Variants in RANBP2 observed in about 807,000 individuals in gnomAD.
The protein encoded by RANBP2 is RAN binding protein 2, also known as E3 SUMO-protein ligase RanBP2.
Under a neutral mutation model 303.6 loss-of-function variants are expected in RANBP2, and 57 were observed. That is an observed-to-expected ratio of 0.19 (90% CI 0.15 to 0.23). The LOEUF (loss-of-function observed/expected upper bound fraction) is 0.23. Ranked by LOEUF, RANBP2 falls within the 10% of genes least tolerant of loss-of-function variation. RANBP2 has a pLI of 1.00. For synonymous variants in RANBP2, 1,167 were observed against 1,301.5 expected, an observed-to-expected ratio of 0.90 and a Z score of 2.23; for missense variants, 3,138 against 3,780.8, an observed-to-expected ratio of 0.83 and a Z score of 4.46.
At chr2:109,084,368 A>G in the RANBP2 span, among the ~76,000 whole-genome samples, 1 of 152,226 alleles carries the variant, frequency 6.6e-6, no homozygotes, top group Non-Finnish European at 1.5e-5. Flanking sequence ...ACTGATTTTC[A>G]AGTGAGAAAG....
At chr2:109,160,171 A>T in the RANBP2 span, among the ~76,000 whole-genome samples, 1 of 152,126 alleles carries the variant, frequency 6.6e-6, no homozygotes, top group Non-Finnish European at 1.5e-5. Context: ...TGTCACCAGG[A>T]AGTCACTCTC....
At chr2:109,278,684 C>T in the RANBP2 span, among the ~76,000 whole-genome samples, 1 of 152,216 alleles carries the variant, frequency 6.6e-6, no homozygotes. Flanking sequence ...CTGAATTTTA[C>T]CTTCTTTGGA....
chr2:109,323,018 C>T, the RANBP2 span, among the ~76,000 whole-genome samples: 1 of 152,188 alleles, frequency 6.6e-6, no homozygotes, highest in African/African-American at 2.4e-5. Context: ...GAGGGATTTT[C>T]TTATACCCCT....
At chr2:109,722,153 A>G in the RANBP2 span, among the ~76,000 whole-genome samples, 1 of 152,192 alleles carries the variant, frequency 6.6e-6, no homozygotes, top group East Asian at 1.9e-4. Flanking sequence ...GGTTGCAACC[A>G]TCCTGTCAGC....
At chr2:108,821,682 T>C in the RANBP2 span, among the ~76,000 whole-genome samples, 1 of 151,912 alleles carries the variant, frequency 6.6e-6, no homozygotes, top group Non-Finnish European at 1.5e-5. Flanking sequence ...TGGTGCCTCA[T>C]GCCTCCAATC....
At chr2:109,615,753 C>T in the RANBP2 span, 1 of 1,614,082 alleles carries the variant, frequency 6.2e-7, no homozygotes, top group Non-Finnish European at 8.5e-7. Context: ...GCTTCCCTCG[C>T]ATCTCATCAC....
the RANBP2 span, among the ~76,000 whole-genome samples, chr2:108,972,058 T>C: frequency 6.6e-6 from 1 of 152,208 alleles, no homozygotes; most frequent in African/African-American, 2.4e-5. Flanking sequence ...CCCGCAGATG[T>C]TGCAGCCCAG....
At chr2:109,624,649 C>T in the RANBP2 span, among the ~76,000 whole-genome samples, 108 of 152,298 alleles carry the variant, frequency 7.1e-4, 1 homozygote, top group East Asian at 9.5e-3. Flanking sequence ...TCATTAGTGC[C>T]ACCCTGGTGA....
chr2:108,933,508 G>T, the RANBP2 span, among the ~76,000 whole-genome samples: 2 of 152,174 alleles, frequency 1.3e-5, no homozygotes, highest in Non-Finnish European at 2.9e-5. Flanking sequence ...TCGGCTGTTG[G>T]CCCAGTCACC....
chr2:109,068,080 C>T, the RANBP2 span, among the ~76,000 whole-genome samples: 4 of 152,284 alleles, frequency 2.6e-5, no homozygotes, highest in African/African-American at 9.6e-5. Flanking sequence ...AGTGAAGCTG[C>T]CCTGACTGCT....
the RANBP2 span, among the ~76,000 whole-genome samples, chr2:109,130,862 T>G: frequency 1.3e-5 from 2 of 152,212 alleles, no homozygotes; most frequent in Non-Finnish European, 1.5e-5. Context: ...ATGATTTGGT[T>G]TTAAAAGCTT....
chr2:108,730,599 T>G (rs1695089521), intron 2 of RANBP2, among the ~76,000 whole-genome samples, 175 bp from the exon 3 acceptor site: 5 of 152,232 alleles, frequency 3.3e-5, no homozygotes, highest in Admixed American at 3.3e-4. Flanking sequence ...GTACGTGTTT[T>G]TAAGTATTAT....
the RANBP2 span, among the ~76,000 whole-genome samples, chr2:109,637,442 G>A: frequency 1.3e-5 from 2 of 152,142 alleles, no homozygotes; most frequent in Non-Finnish European, 2.9e-5. Context: ...GGGATGGTCA[G>A]GTCTTTCTCA....
chr2:109,424,445 G>T, the RANBP2 span, among the ~76,000 whole-genome samples: 1 of 151,728 alleles, frequency 6.6e-6, no homozygotes, highest in Non-Finnish European at 1.5e-5. Flanking sequence ...TCATTTCATC[G>T]CACTTCACTT....
chr2:109,457,193 A>G, the RANBP2 span, among the ~76,000 whole-genome samples: 2 of 152,242 alleles, frequency 1.3e-5, no homozygotes, highest in African/African-American at 4.8e-5. Context: ...AGTATTTAGA[A>G]CAAAAGTATT....
downstream of RANBP2, chr2:108,786,691 C>T (rs1678798937): frequency 4.7e-6 from 4 of 849,030 alleles, no homozygotes; most frequent in Non-Finnish European, 7.6e-6. Flanking sequence ...GTCGCCCCGC[C>T]CCGCCCTTTC....
the RANBP2 span, among the ~76,000 whole-genome samples, chr2:109,436,489 C>T: frequency 5.9e-5 from 9 of 152,200 alleles, no homozygotes; most frequent in East Asian, 1.9e-4. Context: ...AGGGGGCCCG[C>T]GTCCTTGCCA....
At chr2:109,318,391 A>G in the RANBP2 span, among the ~76,000 whole-genome samples, 8 of 152,130 alleles carry the variant, frequency 5.3e-5, no homozygotes, top group African/African-American at 1.9e-4. Context: ...GGTGAGGAAG[A>G]AATGCCGCCG....
chr2:108,872,285 A>C, the RANBP2 span, among the ~76,000 whole-genome samples: 146 of 152,228 alleles, frequency 9.6e-4, no homozygotes, highest in African/African-American at 3.3e-3. Context: ...TGTCCTTCTC[A>C]TACGCAGAAT....
Sources: allele counts gnomAD v4.1 joint callset (sites outside exome capture counted in the v4.1 genomes callset), GRCh38; gene constraint gnomAD v4.1.1; transcripts MANE v1.5; gene names NCBI Gene and HGNC (gene_info 2026-07-23, HGNC 2026-07-21).